ROBO1: variants seen among roughly 807,000 people sequenced by gnomAD.
ROBO1 encodes roundabout homolog 1.
In ROBO1, 149 loss-of-function variants were observed where a neutral mutation model predicts 195.9. The observed-to-expected ratio is 0.76, with a 90% CI of 0.67 to 0.87. The LOEUF (loss-of-function observed/expected upper bound fraction) is 0.87. Ranked by LOEUF, ROBO1 falls within the 40% of genes least tolerant of loss-of-function variation. The pLI, the probability that ROBO1 is intolerant of heterozygous loss-of-function variation, is 0.00. For synonymous variants in ROBO1, 816 were observed against 733.2 expected (o/e 1.11, Z -1.82); for missense variants, 1,933 against 2,068.3 (o/e 0.93, Z 1.27).
intron 3 of ROBO1, among the ~76,000 whole-genome samples, chr3:79,000,386 T>A (rs114365940): frequency 1.1e-4 from 16 of 152,310 alleles, no homozygotes; most frequent in Non-Finnish European, 1.8e-4. Context: ...TTTACTCTGA[T>A]GATAGTTTCT....
intron 2 of ROBO1, among the ~76,000 whole-genome samples, chr3:79,335,631 T>C (rs1283615325): frequency 6.6e-6 from 1 of 152,142 alleles, no homozygotes; most frequent in Non-Finnish European, 1.5e-5. Context: ...CAATTAAACC[T>C]CCTTCATTAT....
chr3:79,721,430 T>G (rs1232646077), intron 1 of ROBO1, among the ~76,000 whole-genome samples: 2 of 152,192 alleles, frequency 1.3e-5, no homozygotes, highest in Non-Finnish European at 2.9e-5. Flanking sequence ...TCATGAATCT[T>G]TAATCAAGTC....
chr3:79,048,481 C>T (rs1453467719), intron 3 of ROBO1, among the ~76,000 whole-genome samples: 1 of 152,122 alleles, frequency 6.6e-6, no homozygotes, highest in Admixed American at 6.6e-5. Flanking sequence ...TCTGTCTTGG[C>T]ATGTGCTTCT....
chr3:78,631,239 GCCCAGTTCATGCCAC>G lies in ROBO1; in HGVS notation c.3533_3547del (p.Gly1178_Trp1182del). 1 of 1,613,440 alleles carries G rather than the reference GCCCAGTTCATGCCAC, an allele frequency of 6.2e-7. No homozygotes were observed. The highest frequency in any genetic ancestry group is 1.7e-5 in the Admixed American group (1 of 59,954). On this transcript the variant is annotated inframe_deletion, in exon 25 of 31. Transcript: ENST00000464233. The stretch of plus-strand genomic sequence containing the variant: ...TGCTGGGGGAGGAGGAAGCAGGTCT[GCCCAGTTCATGCCAC>G]CCTGTTTTGGTACCTTGGGTGTTCT...
intron 1 of ROBO1, among the ~76,000 whole-genome samples, chr3:79,606,101 T>C (rs531970260): frequency 2.0e-5 from 3 of 151,746 alleles, no homozygotes; most frequent in African/African-American, 7.3e-5. Context: ...TGTTTTTATG[T>C]CAATAAGAGC....
At chr3:79,366,711 C>A (rs1013272608) in intron 2 of ROBO1, among the ~76,000 whole-genome samples, 1 of 152,146 alleles carries the variant, frequency 6.6e-6, no homozygotes, top group African/African-American at 2.4e-5. Flanking sequence ...AACGAGAGTT[C>A]CAGGGTCACA....
At chr3:78,978,240 T>C (rs952587704) in intron 3 of ROBO1, among the ~76,000 whole-genome samples, 10 of 152,018 alleles carry the variant, frequency 6.6e-5, no homozygotes, top group Non-Finnish European at 1.2e-4. Flanking sequence ...GCCAATTCAA[T>C]TAACCAAGGT....
At chr3:79,296,067 A>C (rs1559798455) in intron 2 of ROBO1, among the ~76,000 whole-genome samples, 1 of 152,174 alleles carries the variant, frequency 6.6e-6, no homozygotes, top group Non-Finnish European at 1.5e-5. Context: ...GCAAATTTGA[A>C]AGCTACAACT....
chr3:79,380,301 C>A lies in ROBO1; in HGVS notation c.88+209523G>T, dbSNP rs139354997. Among the ~76,000 whole-genome samples the A allele has an allele frequency of 3.7e-3, 557 of 152,196 alleles. 2 individuals are homozygous for A. Among genetic ancestry groups the A allele is most frequent in the African/African-American group, 0.013 (533 of 41,512 alleles). On this transcript the variant is annotated intron_variant, in intron 2 of 30. Transcript: ENST00000464233. ...TCTTTCCCAAGATTATACAGTTAATCCCTCTATGCAAGTGGCTAGTATATC... is the reference window on the plus strand; with the variant it reads ...TCTTTCCCAAGATTATACAGTTAATACCTCTATGCAAGTGGCTAGTATATC...
At chr3:79,342,413 T>C (rs980797925) in intron 2 of ROBO1, among the ~76,000 whole-genome samples, 2 of 152,164 alleles carry the variant, frequency 1.3e-5, no homozygotes, top group Admixed American at 1.3e-4. Context: ...TTGTCAGACA[T>C]CATAAAGAAA....
intron 2 of ROBO1, among the ~76,000 whole-genome samples, chr3:79,360,646 T>C (rs925394910): frequency 2.6e-5 from 4 of 152,022 alleles, no homozygotes; most frequent in Non-Finnish European, 4.4e-5. Context: ...TTAGTCACTT[T>C]GTTTCTTAGA....
chr3:79,610,823 C>T (rs572856209), intron 1 of ROBO1, among the ~76,000 whole-genome samples: 131 of 152,126 alleles, frequency 8.6e-4, no homozygotes, highest in African/African-American at 3.0e-3. Flanking sequence ...AATGATTATG[C>T]TTCAAGAACA....
chr3:79,113,026 C>G (rs150983481), intron 3 of ROBO1, among the ~76,000 whole-genome samples: 355 of 151,978 alleles, frequency 2.3e-3, no homozygotes, highest in African/African-American at 8.2e-3. Context: ...AGCTCATGAG[C>G]CCTCACTCAA....
chr3:79,016,954 T>C (rs1559594703), intron 3 of ROBO1, among the ~76,000 whole-genome samples: 1 of 152,106 alleles, frequency 6.6e-6, no homozygotes, highest in Non-Finnish European at 1.5e-5. Context: ...GAGGGACTAT[T>C]CAATTACTCC....
intron 2 of ROBO1, among the ~76,000 whole-genome samples, chr3:79,160,650 C>T (rs887108080): frequency 6.6e-6 from 1 of 151,994 alleles, no homozygotes; most frequent in Non-Finnish European, 1.5e-5. Context: ...ATTGACTGGT[C>T]TAATATGTCA....
intron 3 of ROBO1, among the ~76,000 whole-genome samples, chr3:79,086,496 AG>A (rs1194180790): frequency 6.6e-6 from 1 of 152,186 alleles, no homozygotes; most frequent in Non-Finnish European, 1.5e-5. Flanking sequence ...TTACACAAAA[AG>A]CTTGACAATT....
chr3:79,124,799 A>G (rs2080184277), intron 3 of ROBO1, among the ~76,000 whole-genome samples: 2 of 152,190 alleles, frequency 1.3e-5, no homozygotes, highest in Non-Finnish European at 2.9e-5. Context: ...TAAATTATAC[A>G]ATTATATTTA....
chr3:78,715,381 A>T (rs1434961692), intron 7 of ROBO1: 1 of 152,062 alleles, frequency 6.6e-6, no homozygotes, highest in African/African-American at 2.4e-5. Context: ...AGTCTTAGAA[A>T]TTTCTCTTTA....
chr3:79,414,628 A>C (rs754136170), intron 2 of ROBO1, among the ~76,000 whole-genome samples: 1 of 152,180 alleles, frequency 6.6e-6, no homozygotes, highest in Non-Finnish European at 1.5e-5. Flanking sequence ...TCATCAAATA[A>C]AAGCAACACT....
Sources: gnomAD v4.1 joint callset for allele counts (sites outside exome capture counted in the v4.1 genomes callset) on GRCh38, gnomAD v4.1.1 for gene constraint, MANE v1.5 for transcripts, NCBI Gene and HGNC (gene_info 2026-07-23, HGNC 2026-07-21) for gene names.